SEL1L3: variants seen among roughly 807,000 people sequenced by gnomAD.
SEL1L3 encodes the protein SEL1L family member 3, also known as protein sel-1 homolog 3.
A neutral mutation model predicts 142.8 loss-of-function variants in SEL1L3; 76 were observed. That is an observed-to-expected ratio of 0.53 (90% CI 0.44 to 0.64). The LOEUF is 0.64. Among genes scored for constraint, SEL1L3 ranks in the 30% least tolerant of loss-of-function variants. The pLI is 0.00. For synonymous variants in SEL1L3, 504 were observed against 519.6 expected (o/e 0.97, Z 0.41); for missense variants, 1,262 against 1,381.7 (o/e 0.91, Z 1.37).
At chr4:25,818,639 C>T (rs13102724) in intron 8 of SEL1L3, among the ~76,000 whole-genome samples, 38,870 of 152,108 alleles carry the variant, frequency 0.26, 6,151 homozygotes, top group Non-Finnish European at 0.34. Context: ...ATAGGAAAAT[C>T]TTCCTAATGC....
chr4:25,733,496 A>T, the SEL1L3 span, among the ~76,000 whole-genome samples: 1 of 147,072 alleles, frequency 6.8e-6, no homozygotes, highest in African/African-American at 2.5e-5. Context: ...TGTAGTTGTT[A>T]TAGTATTTTT....
Position 25,833,505 on chromosome 4 carries a change from A to C in SEL1L3, c.925T>G (p.Tyr309Asp). The C allele has an allele frequency of 6.2e-7, 1 of 1,612,828 alleles. No individual in the cohort carries two copies. Among genetic ancestry groups the C allele is most frequent in the Non-Finnish European group, 8.5e-7 (1 of 1,178,934 alleles). Residue 309 changes from tyrosine (Y) to aspartate (D), a missense_variant, in exon 4 of 24, where the codon TAC becomes GAC. By Grantham distance (160) the Tyr-to-Asp change is radical. This residue lies in a region of SEL1L3 where 689 missense variants were observed against 692.8 expected (regional missense o/e 0.99). Coordinates refer to ENST00000399878, the MANE Select transcript of SEL1L3 (RefSeq NM_015187.5). ...YCKANLCGIL[Y>D]FVDSNEMYGT... ...TACATCTCATTAGAGTCAACAAAGT[A>C]CAGAATCCCACAGAGGTTGGCCTTG... is the stretch of plus-strand genomic sequence containing the variant.
At chr4:25,805,696 A>G (rs781365088) in intron 9 of SEL1L3, among the ~76,000 whole-genome samples, 3 of 152,312 alleles carry the variant, frequency 2.0e-5, no homozygotes, top group African/African-American at 7.2e-5. Context: ...TCTAAAGTCT[A>G]TCTTTGTTAT....
intron 20 of SEL1L3, among the ~76,000 whole-genome samples, chr4:25,763,536 T>G (rs1206811037): frequency 1.3e-5 from 2 of 151,742 alleles, no homozygotes; most frequent in African/African-American, 2.4e-5. Flanking sequence ...GTACCTCCAT[T>G]AAAAAAATAA....
At chr4:25,735,979 G>A in the SEL1L3 span, among the ~76,000 whole-genome samples, 3 of 150,732 alleles carry the variant, frequency 2.0e-5, no homozygotes, top group Non-Finnish European at 3.0e-5. Context: ...GCAGGCGCCC[G>A]CCACCACGCC....
At chr4:25,779,602 C>A (rs1221902396) in intron 15 of SEL1L3, among the ~76,000 whole-genome samples, 2 of 152,182 alleles carry the variant, frequency 1.3e-5, no homozygotes, top group Non-Finnish European at 2.9e-5. Flanking sequence ...AACTGCATTT[C>A]CAGTAGGAAG....
intron 23 of SEL1L3, among the ~76,000 whole-genome samples, chr4:25,752,382 A>G (rs1186378781): frequency 6.8e-6 from 1 of 146,334 alleles, no homozygotes; most frequent in Non-Finnish European, 1.5e-5. Flanking sequence ...GCGCCACTGC[A>G]CTCCAGCCTG....
At chr4:25,757,210 G>A (rs957854937) in intron 23 of SEL1L3, among the ~76,000 whole-genome samples, 1 of 152,064 alleles carries the variant, frequency 6.6e-6, no homozygotes, top group Non-Finnish European at 1.5e-5. Flanking sequence ...AGAGGTTGCA[G>A]TGAGCTGAGA....
chr4:25,715,266 A>C, the SEL1L3 span, among the ~76,000 whole-genome samples: 1 of 152,176 alleles, frequency 6.6e-6, no homozygotes, highest in Non-Finnish European at 1.5e-5. Flanking sequence ...TTGAGGCAGG[A>C]CCATCACTTG....
Position 25,757,750 on chromosome 4 carries a change from A to T in SEL1L3, c.3124T>A (p.Ser1042Thr). The T allele has an allele frequency of 6.3e-7, 1 of 1,596,392 alleles. No homozygotes were observed. Among genetic ancestry groups the T allele is most frequent in the African/African-American group, 1.3e-5 (1 of 74,768 alleles). The part of the protein sequence containing the change: ...HSNEESFSPC[S>T]LAWLYLHLRL... ...AAGTGCAGGTAAAGCCAGGCCAAGG[A>T]GCAGGGGCTGAAGGACTCCTCGTTA... is the stretch of plus-strand genomic sequence containing the variant. The change falls in exon 22 of 24, where the codon TCC (serine) becomes ACC (threonine). Residue 1042 changes from serine to threonine, a missense_variant. By Grantham distance (58) the Ser-to-Thr change is moderately conservative. Around this residue, in one of 3 missense-constraint regions of SEL1L3, gnomAD observed 138 missense variants for 129.7 expected, o/e 1.06. Coordinates refer to ENST00000399878, the MANE Select transcript of SEL1L3 (RefSeq NM_015187.5).
At chr4:25,731,580 G>T in the SEL1L3 span, among the ~76,000 whole-genome samples, 953 of 152,292 alleles carry the variant, frequency 6.3e-3, 7 homozygotes, top group African/African-American at 0.022. Flanking sequence ...GAATTAAATA[G>T]AATCAATTGA....
chr4:25,831,514 ATTATT>A (rs1560340113), intron 5 of SEL1L3, among the ~76,000 whole-genome samples: 10,210 of 89,560 alleles, frequency 0.11, 1,025 homozygotes, highest in African/African-American at 0.28. Context: ...AATAATAATT[ATTATT>A]ATTATTATTA....
At chr4:25,843,498 C>G (rs1012956398) in intron 2 of SEL1L3, among the ~76,000 whole-genome samples, 1 of 152,134 alleles carries the variant, frequency 6.6e-6, no homozygotes, top group African/African-American at 2.4e-5. Context: ...GGTCTGGGGC[C>G]CAAGTCACTG....
At chr4:25,828,097 CAT>C (rs1181944349) in intron 6 of SEL1L3, among the ~76,000 whole-genome samples, 1 of 152,190 alleles carries the variant, frequency 6.6e-6, no homozygotes, top group Non-Finnish European at 1.5e-5. Flanking sequence ...CTCTTGAAGA[CAT>C]GTGCTCTCTC....
chr4:25,813,805 C>T (rs1290701061), intron 9 of SEL1L3, among the ~76,000 whole-genome samples: 2 of 152,156 alleles, frequency 1.3e-5, no homozygotes, highest in South Asian at 2.1e-4. Context: ...TAGAATAATA[C>T]GGTTATTCTG....
At chr4:25,836,853 G>T (rs1715856278) in intron 2 of SEL1L3, among the ~76,000 whole-genome samples, 1 of 151,970 alleles carries the variant, frequency 6.6e-6, no homozygotes, top group Non-Finnish European at 1.5e-5. Flanking sequence ...ATTTCCCAAA[G>T]GAAATAAAAA....
chr4:25,768,206 T>C (rs1718893966), intron 17 of SEL1L3, among the ~76,000 whole-genome samples: 1 of 152,212 alleles, frequency 6.6e-6, no homozygotes, highest in South Asian at 2.1e-4. Context: ...TCCTCTGTTT[T>C]ATAAAAAGCT....
the SEL1L3 span, among the ~76,000 whole-genome samples, chr4:25,735,091 A>G: frequency 6.6e-6 from 1 of 152,066 alleles, no homozygotes; most frequent in South Asian, 2.1e-4. Flanking sequence ...GAAATGTTTG[A>G]TAGATTCACT....
At chr4:25,855,004 C>T (rs1717161647) in intron 1 of SEL1L3, among the ~76,000 whole-genome samples, 1 of 152,240 alleles carries the variant, frequency 6.6e-6, no homozygotes, top group South Asian at 2.1e-4. Context: ...CTGTGCAGAA[C>T]ATGGTCTAAA....
Sources: allele counts gnomAD v4.1 joint callset (sites outside exome capture counted in the v4.1 genomes callset), GRCh38; gene constraint gnomAD v4.1.1; regional missense constraint gnomAD v4.1.1; transcripts MANE v1.5; gene names NCBI Gene and HGNC (gene_info 2026-07-23, HGNC 2026-07-21).